Variants in CSMD1 observed in about 807,000 individuals in gnomAD.
CSMD1 encodes the protein CUB and sushi domain-containing protein 1.
A neutral mutation model predicts 417.5 loss-of-function variants in CSMD1; 213 were observed. The observed-to-expected ratio is 0.51, with a 90% CI of 0.46 to 0.57. The LOEUF (loss-of-function observed/expected upper bound fraction) is 0.57, where lower values mean the gene tolerates loss of function less well. Ranked by LOEUF, CSMD1 falls within the 20% of genes least tolerant of loss-of-function variation. The pLI, the probability that CSMD1 is intolerant of heterozygous loss-of-function variation, is 0.00. For missense variants in CSMD1, 6,923 were observed against 4,529.7 expected (o/e 1.53, Z -15.17); for synonymous variants, 2,862 against 1,736.8 (o/e 1.65, Z -16.11).
chr8:3,374,427 C>G (rs1810181059), intron 18 of CSMD1, among the ~76,000 whole-genome samples: 1 of 152,084 alleles, frequency 6.6e-6, no homozygotes, highest in South Asian at 2.1e-4. Flanking sequence ...CCTGTTTTTC[C>G]AAAGTTTACA....
intron 41 of CSMD1, among the ~76,000 whole-genome samples, chr8:3,134,015 T>C (rs182886598): frequency 6.6e-6 from 1 of 152,024 alleles, no homozygotes; most frequent in African/African-American, 2.4e-5. Context: ...CTGTCTCCAC[T>C]AAAACTACAA....
chr8:4,218,638 G>C lies in CSMD1; in HGVS notation c.416-186539C>G, dbSNP rs138361712. 1.7e-3 allele frequency among the ~76,000 whole-genome samples: 265 copies of C among 152,254 alleles called. 1 individual carries two copies. Among genetic ancestry groups the C allele is most frequent in the Non-Finnish European group, 2.7e-3 (186 of 68,020 alleles). On this transcript the variant is annotated intron_variant, in intron 3 of 69. Coordinates refer to ENST00000635120, the MANE Select transcript of CSMD1 (RefSeq NM_033225.6). ...AATCATATACTGTTTCATACCGACA[G>C]TGATTTCAGTATTAGTGGGACAGTG... is the stretch of plus-strand genomic sequence containing the variant.
intron 5 of CSMD1, among the ~76,000 whole-genome samples, chr8:3,811,514 G>C (rs553125338): frequency 2.0e-5 from 3 of 152,184 alleles, no homozygotes; most frequent in East Asian, 1.9e-4. Context: ...TAGCAGAGTT[G>C]TTCCCTGGTG....
intron 2 of CSMD1, among the ~76,000 whole-genome samples, chr8:4,589,518 C>T (rs1433848740): frequency 2.0e-5 from 3 of 152,180 alleles, no homozygotes; most frequent in Admixed American, 2.0e-4. Flanking sequence ...AACAAATCAG[C>T]ACTCATTCCC....
intron 3 of CSMD1, among the ~76,000 whole-genome samples, chr8:4,159,657 C>T (rs1467344666): frequency 1.3e-5 from 2 of 152,132 alleles, no homozygotes; most frequent in Non-Finnish European, 2.9e-5. Flanking sequence ...GGCGCGATCT[C>T]GGCTCACTGC....
chr8:4,228,915 C>T (rs980530861), intron 3 of CSMD1, among the ~76,000 whole-genome samples: 1 of 152,074 alleles, frequency 6.6e-6, no homozygotes, highest in African/African-American at 2.4e-5. Context: ...CTCCTGACTG[C>T]CTCGGTCTCC....
rs780858260 is a variant in CSMD1, at chr8:2,999,987, T to C, written c.8174A>G (p.Lys2725Arg). 3.7e-6 allele frequency: 6 copies of C among 1,609,636 alleles called. No individual in the cohort carries two copies. The highest frequency in any genetic ancestry group is 2.2e-5 in the South Asian group (2 of 90,482). ...TSVRICLQDHKWSGQTPVCVP... is the reference protein window; with the variant it reads ...TSVRICLQDHRWSGQTPVCVP... ...ACAGACAGGCGTTTGTCCAGACCAC[T>C]TGTGGTCTTGCAGGCATATCCTCAC... Residue 2725 changes from lysine to arginine, a missense_variant, in exon 53 of 70, where the codon AAG becomes AGG. By Grantham distance (26) the Lys-to-Arg change is conservative. Coordinates refer to ENST00000635120, the MANE Select transcript of CSMD1 (RefSeq NM_033225.6).
At chr8:4,003,041 A>C (rs968994105) in intron 4 of CSMD1, among the ~76,000 whole-genome samples, 34 of 152,338 alleles carry the variant, frequency 2.2e-4, no homozygotes, top group African/African-American at 7.9e-4. Context: ...CAATAAAAAA[A>C]TATTTGCAAC....
rs17071127 is a variant in CSMD1 at position 4,723,526 on chromosome 8, C to T, written c.86-85968G>A. Among the ~76,000 whole-genome samples the T allele has an allele frequency of 6.6e-3, 1,004 of 152,104 alleles. 12 individuals carry two copies. The highest frequency in any genetic ancestry group is 0.01 in the Non-Finnish European group (683 of 67,998). On this transcript the variant is annotated intron_variant, in intron 1 of 69. Transcript: ENST00000635120. ...TTGTATCTTGTAGGATCTGTGTATA[C>T]CTGTGCATAATAGGAAGAAATTTAT...
At chr8:3,087,937 T>C (rs1814660288) in intron 48 of CSMD1, among the ~76,000 whole-genome samples, 1 of 152,224 alleles carries the variant, frequency 6.6e-6, no homozygotes, top group Non-Finnish European at 1.5e-5. Flanking sequence ...AGTAGAAATA[T>C]ATAACATTTT....
chr8:4,622,338 C>T (rs542590315), intron 2 of CSMD1, among the ~76,000 whole-genome samples: 65 of 152,158 alleles, frequency 4.3e-4, no homozygotes, highest in African/African-American at 1.4e-3. Flanking sequence ...AAAATGCATG[C>T]TGAGGCTCAA....
chr8:3,741,022 C>T (rs915322986), intron 6 of CSMD1, among the ~76,000 whole-genome samples: 14 of 151,920 alleles, frequency 9.2e-5, no homozygotes, highest in African/African-American at 3.1e-4. Flanking sequence ...CCAGACCAGC[C>T]TGGCCAACAT....
intron 1 of CSMD1, among the ~76,000 whole-genome samples, chr8:4,687,832 TACATAC>T (rs1238752505): frequency 1.0e-5 from 1 of 98,766 alleles, no homozygotes; most frequent in Non-Finnish European, 2.0e-5. Flanking sequence ...CACACATACA[TACATAC>T]ACACACACAC....
chr8:4,706,971 T>G (rs910293293), intron 1 of CSMD1, among the ~76,000 whole-genome samples: 5 of 152,072 alleles, frequency 3.3e-5, no homozygotes, highest in Admixed American at 6.6e-5. Flanking sequence ...GGGGTTAGAG[T>G]GACAGGGACA....
At chr8:4,316,827 C>T (rs371515237) in intron 3 of CSMD1, among the ~76,000 whole-genome samples, 84 of 152,104 alleles carry the variant, frequency 5.5e-4, no homozygotes, top group African/African-American at 1.7e-3. Flanking sequence ...ACTCGGTAAA[C>T]GCAAAATAAT....
chr8:3,083,106 T>G (rs1814228088), intron 49 of CSMD1, among the ~76,000 whole-genome samples: 2 of 152,158 alleles, frequency 1.3e-5, no homozygotes, highest in African/African-American at 4.8e-5. Flanking sequence ...CTTTTATTTA[T>G]TTTTATTTCA....
chr8:3,023,119 T>C (rs1809579266), intron 51 of CSMD1, among the ~76,000 whole-genome samples: 1 of 152,196 alleles, frequency 6.6e-6, no homozygotes, highest in Non-Finnish European at 1.5e-5. Context: ...TTTCCTCGGA[T>C]ATAGACGAAA....
At chr8:3,415,103 A>G (rs553869185) in intron 12 of CSMD1, among the ~76,000 whole-genome samples, 8 of 152,260 alleles carry the variant, frequency 5.3e-5, no homozygotes, top group African/African-American at 1.9e-4. Flanking sequence ...TTTTATTCGC[A>G]CTCACATTTA....
At chr8:3,143,847 A>C (rs1305759448) in intron 40 of CSMD1, among the ~76,000 whole-genome samples, 2 of 152,262 alleles carry the variant, frequency 1.3e-5, no homozygotes, top group Non-Finnish European at 2.9e-5. Flanking sequence ...GTGCATAAAA[A>C]TATTCACACA....
Sources: allele counts gnomAD v4.1 joint callset (sites outside exome capture counted in the v4.1 genomes callset), GRCh38; gene constraint gnomAD v4.1.1; transcripts MANE v1.5; gene names NCBI Gene and HGNC (gene_info 2026-07-23, HGNC 2026-07-21).